The following COL14A1 variants were observed in gnomAD, a reference collection of about 807,000 sequenced individuals.
COL14A1 encodes collagen alpha-1(XIV) chain.
COL14A1 carries 136 observed loss-of-function variants against 230.3 expected under a neutral mutation model. The observed-to-expected ratio is 0.59, with a 90% confidence interval of 0.51 to 0.68. COL14A1 has a LOEUF of 0.68. Ranked by LOEUF, COL14A1 falls within the 30% of genes least tolerant of loss-of-function variation. The pLI is 0.00. For synonymous variants in COL14A1, 792 were observed against 784.1 expected, an observed-to-expected ratio of 1.01 and a Z score of -0.17; for missense variants, 1,976 against 2,215.8, an observed-to-expected ratio of 0.89 and a Z score of 2.17.
At chr8:120,315,325 G>A (rs971148612) in intron 38 of COL14A1, among the ~76,000 whole-genome samples, 3 of 145,274 alleles carry the variant, frequency 2.1e-5, no homozygotes, top group Non-Finnish European at 4.5e-5. Flanking sequence ...AGCCAAGATC[G>A]TGTCACTGCA....
At chr8:120,332,245 T>TGGAAA (rs1374833829) in intron 41 of COL14A1, 51 bp downstream of exon 41, 1 of 1,546,526 alleles carries the variant, frequency 6.5e-7, no homozygotes, top group Non-Finnish European at 8.9e-7. Flanking sequence ...AAGCACTTCA[T>TGGAAA]TTCTTTTGAG....
intron 15 of COL14A1, among the ~76,000 whole-genome samples, chr8:120,226,309 A>T (rs918763956): frequency 1.6e-3 from 232 of 142,582 alleles, no homozygotes; most frequent in African/African-American, 6.8e-3. Context: ...ATAATATTTA[A>T]AAAAAAAATG....
chr8:120,196,870 C>G lies in COL14A1; in HGVS notation c.516C>G (p.Phe172Leu). The part of the protein sequence containing the change: ...LVDGSWSIGR[F>L]NFRLVRHFLE... ...ATGGTTCATGGAGTATTGGAAGATT[C>G]AACTTCAGACTGGTTCGGCATTTCT... Residue 172 changes from phenylalanine to leucine, a missense_variant, in exon 6 of 48, where the codon TTC becomes TTG. Physicochemically the swap from Phe to Leu is conservative, Grantham distance 22. Coordinates refer to ENST00000297848, the MANE Select transcript of COL14A1 (RefSeq NM_021110.4). The G allele has an allele frequency of 6.2e-7, 1 of 1,614,098 alleles. No homozygotes were observed. The highest frequency in any genetic ancestry group is 2.2e-5 in the East Asian group (1 of 44,868).
chr8:120,255,427 C>A, intron 23 of COL14A1, 71 bp downstream of exon 23: 2 of 1,145,504 alleles, frequency 1.7e-6, no homozygotes, highest in Non-Finnish European at 2.6e-6. Context: ...CCACTGTGTA[C>A]AACACACAAG....
intron 26 of COL14A1, 75 bp downstream of exon 26, chr8:120,270,249 C>A: frequency 7.1e-7 from 1 of 1,414,230 alleles, no homozygotes; most frequent in Non-Finnish European, 9.6e-7. Flanking sequence ...AGCTACTTGT[C>A]AGGGACTATA....
At chr8:120,144,059 T>C (rs553513828) in intron 1 of COL14A1, among the ~76,000 whole-genome samples, 56 of 152,254 alleles carry the variant, frequency 3.7e-4, no homozygotes, top group African/African-American at 1.3e-3. Context: ...TGGAGACATA[T>C]ATCTATAGTA....
chr8:120,196,738 T>C, intron 5 of COL14A1, 53 bp from the exon 6 acceptor site: 2 of 1,578,906 alleles, frequency 1.3e-6, no homozygotes, highest in African/African-American at 1.4e-5. Context: ...ATGGACTGTT[T>C]TTGAAGTTGC....
chr8:120,202,989 AATATATATATATATATAT>A (rs201356550), intron 8 of COL14A1, among the ~76,000 whole-genome samples: 3 of 106,548 alleles, frequency 2.8e-5, no homozygotes, highest in Non-Finnish European at 6.0e-5. Context: ...AATAATTTCA[AATATATATATATATATAT>A]ATATATATAT....
intron 26 of COL14A1, among the ~76,000 whole-genome samples, chr8:120,273,298 T>A (rs1246896403): frequency 6.6e-6 from 1 of 151,712 alleles, no homozygotes; most frequent in Non-Finnish European, 1.5e-5. Context: ...AAAGCAGTTC[T>A]AAGAGGAAAA....
intron 42 of COL14A1, 104 bp from the exon 43 acceptor site, chr8:120,341,221 T>A: frequency 9.0e-7 from 1 of 1,111,684 alleles, no homozygotes; most frequent in South Asian, 1.3e-5. Flanking sequence ...GCAGAATTAC[T>A]GGTGCTAAGA....
Position 120,212,462 on chromosome 8 carries a change from G to A in COL14A1, c.1482G>A (p.Glu494=), listed in dbSNP as rs1256326770. ...GTTCTTTTCAGATGAAAATTGGAGAGACCCACACAGATATTGAATTGAGTG... is the reference window on the plus strand; with the variant it reads ...GTTCTTTTCAGATGAAAATTGGAGAAACCCACACAGATATTGAATTGAGTG... ...AGDEKEMKIG[E]THTDIELSGL... The change falls in exon 13 of 48, where the codon GAG becomes GAA. Residue 494 remains glutamate, a synonymous_variant. Transcript: ENST00000297848. The A allele has an allele frequency of 1.9e-6, 3 of 1,613,164 alleles. No individual in the cohort carries two copies. The African/African-American group carries it at 4.0e-5, about 22-fold the overall frequency.
At chr8:120,146,128 T>C (rs547358755) in intron 1 of COL14A1, among the ~76,000 whole-genome samples, 8 of 152,314 alleles carry the variant, frequency 5.3e-5, no homozygotes, top group African/African-American at 1.7e-4. Flanking sequence ...TCTGTAACTA[T>C]GTATTAGAAT....
chr8:120,282,762 A>G (rs1820076650), intron 31 of COL14A1, among the ~76,000 whole-genome samples: 1 of 152,104 alleles, frequency 6.6e-6, no homozygotes, highest in African/African-American at 2.4e-5. Flanking sequence ...GAGAGACAAG[A>G]TGATATTTTA....
chr8:120,368,606 C>CAAAA (rs11342918), intron 46 of COL14A1, among the ~76,000 whole-genome samples: 2 of 118,510 alleles, frequency 1.7e-5, no homozygotes, highest in Admixed American at 8.7e-5. Flanking sequence ...GCATACAAGC[C>CAAAA]AAAAAAAAAA....
At chr8:120,169,670 T>C (rs1816036453) in intron 5 of COL14A1, among the ~76,000 whole-genome samples, 1 of 152,090 alleles carries the variant, frequency 6.6e-6, no homozygotes. Context: ...TTTTTGATAA[T>C]TTTTAATACA....
chr8:120,360,313 A>G (rs1823149385), intron 45 of COL14A1, among the ~76,000 whole-genome samples: 1 of 152,208 alleles, frequency 6.6e-6, no homozygotes, highest in Non-Finnish European at 1.5e-5. Context: ...ATGAAGTCCG[A>G]ACATAAAATT....
In COL14A1 at chr8:120,275,176, C is replaced by G. The variant is rs889439610; in HGVS notation, c.3214-2935C>G. Among the ~76,000 whole-genome samples, 3 of 151,796 alleles carry G rather than the reference C, an allele frequency of 2.0e-5. No homozygotes were observed. The South Asian group carries it at 6.2e-4, about 32-fold the overall frequency. ...AACTAATGGAACAGAAGAGAGAACC[C>G]AGAAATAAAGTCAAATACATACAAC... On this transcript the variant is annotated intron_variant, in intron 26 of 47. Transcript: ENST00000297848.
chr8:120,302,837 G>A (rs1345857605), intron 36 of COL14A1, among the ~76,000 whole-genome samples: 1 of 152,158 alleles, frequency 6.6e-6, no homozygotes, highest in Non-Finnish European at 1.5e-5. Flanking sequence ...GGGGAGGATG[G>A]CCATTTTAAC....
At chr8:120,231,875 T>C in intron 19 of COL14A1, 1 of 374,692 alleles carries the variant, frequency 2.7e-6, no homozygotes, top group Non-Finnish European at 4.8e-6. Context: ...TCTCTTCTGC[T>C]GCCTTGCACC....
Sources: gnomAD v4.1 joint callset for allele counts (sites outside exome capture counted in the v4.1 genomes callset) on GRCh38, gnomAD v4.1.1 for gene constraint, MANE v1.5 for transcripts, NCBI Gene and HGNC (gene_info 2026-07-23, HGNC 2026-07-21) for gene names.